The following TMEM272 variants were observed in gnomAD, a reference collection of about 807,000 sequenced individuals.
The protein encoded by TMEM272 is long intergenic non-protein coding RNA 282.
A neutral mutation model predicts 3.7 loss-of-function variants in TMEM272; 8 were observed. The ratio of observed to expected loss-of-function variants is 2.17; its 90% CI spans 1.27 to 3.91. The LOEUF (loss-of-function observed/expected upper bound fraction) is 3.91, where lower values mean the gene tolerates loss of function less well. TMEM272 is among the 30% of genes most tolerant of loss of function. TMEM272 has a pLI of 0.00. For synonymous variants in TMEM272, 63 were observed against 39.8 expected, an observed-to-expected ratio of 1.58 and a Z score of -2.20; for missense variants, 166 against 91.5, an observed-to-expected ratio of 1.81 and a Z score of -3.32.
chr13:51,882,871 G>A, the TMEM272 span, among the ~76,000 whole-genome samples: 1 of 152,204 alleles, frequency 6.6e-6, no homozygotes, highest in South Asian at 2.1e-4. Context: ...CAGCTGCCAT[G>A]ACCTCCGCCC....
At chr13:51,853,953 A>G in the TMEM272 span, among the ~76,000 whole-genome samples, 5,237 of 152,290 alleles carry the variant, frequency 0.034, 311 homozygotes, top group African/African-American at 0.12. Context: ...ATGAACATGC[A>G]TTACCTTGAA....
At chr13:51,846,044 A>G (rs1956302538), upstream of TMEM272, among the ~76,000 whole-genome samples, 1 of 152,202 alleles carries the variant, frequency 6.6e-6, no homozygotes, top group Non-Finnish European at 1.5e-5. Context: ...AGAAGAGCCT[A>G]TTATGTAAAA....
At chr13:51,888,620 C>T in the TMEM272 span, among the ~76,000 whole-genome samples, 2 of 146,074 alleles carry the variant, frequency 1.4e-5, no homozygotes, top group East Asian at 2.0e-4. Context: ...TTAATTAATC[C>T]TTTTTCTTTT....
chr13:51,927,701 A>T, the TMEM272 span, among the ~76,000 whole-genome samples: 1 of 152,048 alleles, frequency 6.6e-6, no homozygotes, highest in African/African-American at 2.4e-5. Context: ...CGGTCAATAA[A>T]TATTTTCCAG....
At chr13:51,904,750 C>T in the TMEM272 span, among the ~76,000 whole-genome samples, 11 of 152,290 alleles carry the variant, frequency 7.2e-5, no homozygotes, top group African/African-American at 2.6e-4. Context: ...TTTGGGAATG[C>T]TCAACCAGCA....
At chr13:51,914,774 GAA>G in the TMEM272 span, among the ~76,000 whole-genome samples, 6 of 152,214 alleles carry the variant, frequency 3.9e-5, no homozygotes, top group African/African-American at 1.4e-4. Flanking sequence ...TACTGAGTCA[GAA>G]TCTGAACTTT....
chr13:51,924,352 C>A, the TMEM272 span, among the ~76,000 whole-genome samples: 1 of 152,124 alleles, frequency 6.6e-6, no homozygotes, highest in Non-Finnish European at 1.5e-5. Flanking sequence ...CCCATGAGTT[C>A]CAGACCAGCC....
At chr13:51,859,272 G>C in the TMEM272 span, among the ~76,000 whole-genome samples, 13 of 152,060 alleles carry the variant, frequency 8.5e-5, no homozygotes, top group African/African-American at 3.1e-4. Context: ...AACTGAAAAA[G>C]AAAAACTGGA....
the TMEM272 span, among the ~76,000 whole-genome samples, chr13:51,851,568 A>T: frequency 8.2e-6 from 1 of 121,310 alleles, no homozygotes; most frequent in East Asian, 2.4e-4. Context: ...TCTGTTACCC[A>T]GGCTAGAGTG....
chr13:51,901,043 T>C, the TMEM272 span, among the ~76,000 whole-genome samples: 3 of 152,324 alleles, frequency 2.0e-5, no homozygotes, highest in East Asian at 5.8e-4. Flanking sequence ...GTGGTGATGG[T>C]TGCACAATTC....
the TMEM272 span, among the ~76,000 whole-genome samples, chr13:51,919,195 T>A: frequency 6.6e-6 from 1 of 152,222 alleles, no homozygotes. Context: ...GCCAATGCTA[T>A]AGCTTTAGTC....
chr13:51,914,315 T>C, the TMEM272 span, among the ~76,000 whole-genome samples: 7 of 152,164 alleles, frequency 4.6e-5, no homozygotes, highest in African/African-American at 1.7e-4. Context: ...GTTTAATACA[T>C]AGGGAAATTG....
intron 3 of TMEM272, among the ~76,000 whole-genome samples, chr13:51,824,044 C>G (rs1049575855): frequency 1.3e-5 from 2 of 152,220 alleles, no homozygotes; most frequent in African/African-American, 4.8e-5. Flanking sequence ...ACATGGACTG[C>G]CTTTCAATTC....
the TMEM272 span, among the ~76,000 whole-genome samples, chr13:51,894,933 ACAGATCAT>A: frequency 1.3e-5 from 2 of 151,786 alleles, no homozygotes; most frequent in African/African-American, 4.8e-5. Flanking sequence ...GGAGACAGTG[ACAGATCAT>A]CAGGTGTTAG....
the TMEM272 span, among the ~76,000 whole-genome samples, chr13:51,923,439 AAC>A: frequency 1.1e-4 from 17 of 152,038 alleles, no homozygotes; most frequent in African/African-American, 3.6e-4. Flanking sequence ...CAGGAAAAGC[AAC>A]AGTGTCAGTT....
At chr13:51,846,884 ATGTAG>A (rs544326301), upstream of TMEM272, among the ~76,000 whole-genome samples, 162 of 152,364 alleles carry the variant, frequency 1.1e-3, no homozygotes, top group Non-Finnish European at 1.6e-3. Flanking sequence ...TTTTTAATAA[ATGTAG>A]TGTAGCCTAA....
the TMEM272 span, among the ~76,000 whole-genome samples, chr13:51,925,817 G>A: frequency 6.6e-6 from 1 of 152,030 alleles, no homozygotes; most frequent in East Asian, 1.9e-4. Flanking sequence ...CCTCCCCAAA[G>A]CTGAGACCGG....
At chr13:51,873,961 T>C in the TMEM272 span, among the ~76,000 whole-genome samples, 1 of 152,244 alleles carries the variant, frequency 6.6e-6, no homozygotes. Context: ...CAGAAATTTA[T>C]TTCCCAGCCT....
the TMEM272 span, among the ~76,000 whole-genome samples, chr13:51,913,263 T>C: frequency 6.6e-6 from 1 of 152,196 alleles, no homozygotes; most frequent in African/African-American, 2.4e-5. Context: ...TCTACTGAGA[T>C]ACACTGAATT....
Sources: allele counts gnomAD v4.1 joint callset (sites outside exome capture counted in the v4.1 genomes callset), GRCh38; gene constraint gnomAD v4.1.1; transcripts MANE v1.5; gene names NCBI Gene and HGNC (gene_info 2026-07-23, HGNC 2026-07-21).